Variants in ZDHHC15 observed in about 807,000 individuals in gnomAD.
ZDHHC15 encodes palmitoyltransferase ZDHHC15.
A neutral mutation model predicts 31.7 loss-of-function variants in ZDHHC15; 19 were observed. The ratio of observed to expected loss-of-function variants is 0.60; its 90% CI spans 0.42 to 0.88. The LOEUF (loss-of-function observed/expected upper bound fraction) is 0.88. Among genes scored for constraint, ZDHHC15 ranks in the 40% least tolerant of loss-of-function variants. The pLI is 0.00. For missense variants in ZDHHC15, 209 were observed against 251.2 expected (o/e 0.83, Z 1.14); for synonymous variants, 103 against 90.0 (o/e 1.14, Z -0.82).
chrX:75,514,668 A>C (rs1175549599), intron 1 of ZDHHC15, among the ~76,000 whole-genome samples: 2 of 111,353 alleles, frequency 1.8e-5, no homozygotes, highest in Admixed American at 1.9e-4. Flanking sequence ...TGCACCTGGA[A>C]AATCGGGACA....
intron 1 of ZDHHC15, among the ~76,000 whole-genome samples, chrX:75,515,973 TC>T (rs1458080699): frequency 3.1e-4 from 35 of 111,211 alleles, no homozygotes; most frequent in African/African-American, 1.1e-3. Context: ...ATGAGTGAAC[TC>T]CCATTCACAA....
chrX:75,379,121 T>C lies in ZDHHC15; in HGVS notation c.*31A>G, dbSNP rs747801640. On this transcript the variant is annotated splice_region_variant and 3_prime_UTR_variant, in exon 11 of 12. Transcript: ENST00000373367. ...ATGTGTCTCCCTCAGAATACTGACC[T>C]GTCTGAGAGATGCAGGAAATGTGAA... The C allele has an allele frequency of 8.3e-7, 1 of 1,206,417 alleles. No homozygotes were observed. The highest frequency in any genetic ancestry group is 1.8e-5 in the South Asian group (1 of 56,807).
At chrX:75,453,426 A>G (rs2084158162) in intron 3 of ZDHHC15, among the ~76,000 whole-genome samples, 1 of 111,597 alleles carries the variant, frequency 9.0e-6, no homozygotes, top group African/African-American at 3.3e-5. Flanking sequence ...AAAGTCCAGG[A>G]CCAGATGGAT....
At chrX:75,422,426 T>C (rs890774159) in intron 8 of ZDHHC15, among the ~76,000 whole-genome samples, 2 of 111,732 alleles carry the variant, frequency 1.8e-5, no homozygotes, top group Admixed American at 1.9e-4. Flanking sequence ...GGTAATGACA[T>C]TGATTTGGTT....
chrX:75,479,063 C>A, intron 2 of ZDHHC15, 78 bp from the exon 3 acceptor site: 1 of 666,230 alleles, frequency 1.5e-6, no homozygotes, highest in Admixed American at 4.3e-5. Flanking sequence ...AGCTCCATGA[C>A]GAATTTTTAT....
intron 11 of ZDHHC15, among the ~76,000 whole-genome samples, chrX:75,374,829 G>GTACAGA (rs1039858731): frequency 3.6e-5 from 4 of 110,515 alleles, no homozygotes; most frequent in African/African-American, 1.3e-4. Flanking sequence ...AAATACATTT[G>GTACAGA]TACAGATCTA....
intron 3 of ZDHHC15, among the ~76,000 whole-genome samples, chrX:75,474,034 T>G (rs777511214): frequency 9.0e-6 from 1 of 111,243 alleles, no homozygotes; most frequent in East Asian, 2.8e-4. Flanking sequence ...TGGTTTCAAC[T>G]TGACAAGGGT....
rs1218129970 is a variant in ZDHHC15, at chrX:75,370,771, G to C, written c.*2207C>G. 9.0e-6 allele frequency: 1 copy of C among 111,218 alleles called. No homozygotes were observed. The highest frequency in any genetic ancestry group is 1.9e-5 in the Non-Finnish European group (1 of 53,034). The allele number at this position is 111,218 out of a possible 1,213,427, so 9.2% of individuals were successfully genotyped here. On this transcript the variant is annotated 3_prime_UTR_variant, in exon 12 of 12. Transcript: ENST00000373367. ...GGTCTTGAACTCCCGACCTCAGGTGGTCCGGCCGCCTTGGGCTCCCAAAAT... is the reference window on the plus strand; with the variant it reads ...GGTCTTGAACTCCCGACCTCAGGTGCTCCGGCCGCCTTGGGCTCCCAAAAT...
At chrX:75,410,201 T>C (rs147617904) in intron 10 of ZDHHC15, among the ~76,000 whole-genome samples, 35 of 110,510 alleles carry the variant, frequency 3.2e-4, no homozygotes, top group Admixed American at 1.4e-3. Flanking sequence ...AAAGCAAAAA[T>C]AGACAATTGG....
chrX:75,505,815 T>A lies in ZDHHC15; in HGVS notation c.163+6A>T, dbSNP rs1199610166. 1.7e-6 allele frequency: 2 copies of A among 1,206,654 alleles called. No homozygotes were observed. The highest frequency in any genetic ancestry group is 3.5e-5 in the South Asian group (2 of 56,591). On this transcript the variant is annotated splice_donor_region_variant and intron_variant, in intron 2 of 11. Coordinates refer to ENST00000373367, the MANE Select transcript of ZDHHC15 (RefSeq NM_144969.3). ...CTGATCAATACAATTTCCAACATCA[T>A]CTTACCTTTTTCTGCTGGGCTCAAA...
chrX:75,371,228 C>A lies in ZDHHC15; in HGVS notation c.*1750G>T, dbSNP rs1450999626. ...TGGCCAAATAAGGTTTCAGGAAAAA[C>A]CGAAATGAGAGTATTTTGAGAAAGA... On this transcript the variant is annotated 3_prime_UTR_variant, in exon 12 of 12. Coordinates refer to ENST00000373367, the MANE Select transcript of ZDHHC15 (RefSeq NM_144969.3). 9.0e-6 allele frequency: 1 copy of A among 111,517 alleles called. No individual in the cohort carries two copies. Among genetic ancestry groups the A allele is most frequent in the Admixed American group, 9.5e-5 (1 of 10,509 alleles). 9.2% of individuals were successfully genotyped at this position (111,517 alleles called of 1,213,427 possible).
intron 11 of ZDHHC15, 146 bp from the exon 12 acceptor site, chrX:75,373,091 G>A (rs1163902806): frequency 9.0e-6 from 1 of 111,193 alleles, no homozygotes; most frequent in African/African-American, 3.3e-5. Context: ...AGTGAAAAAG[G>A]CAGGATATAA....
chrX:75,484,805 G>T (rs903805292), intron 2 of ZDHHC15, among the ~76,000 whole-genome samples: 13 of 111,711 alleles, frequency 1.2e-4, no homozygotes, highest in African/African-American at 3.9e-4. Context: ...GTTTCAAACT[G>T]GAAACAAACC....
At chrX:75,448,660 G>A (rs772400772) in intron 4 of ZDHHC15, among the ~76,000 whole-genome samples, 1 of 111,626 alleles carries the variant, frequency 9.0e-6, no homozygotes, top group African/African-American at 3.3e-5. Context: ...TCAGTTGAAT[G>A]CATGATATTT....
chrX:75,481,227 C>T (rs868854842), intron 2 of ZDHHC15, among the ~76,000 whole-genome samples: 1 of 111,223 alleles, frequency 9.0e-6, no homozygotes, highest in African/African-American at 3.3e-5. Flanking sequence ...AGTGTGAAAT[C>T]TTTGATTTTT....
intron 2 of ZDHHC15, among the ~76,000 whole-genome samples, chrX:75,498,642 C>G (rs759914164): frequency 8.9e-6 from 1 of 111,814 alleles, no homozygotes; most frequent in Non-Finnish European, 1.9e-5. Flanking sequence ...ATAGATGACA[C>G]AAACAAGTAG....
chrX:75,514,187 T>G (rs1157841942), intron 1 of ZDHHC15, among the ~76,000 whole-genome samples: 1 of 112,748 alleles, frequency 8.9e-6, no homozygotes, highest in Non-Finnish European at 1.9e-5. Flanking sequence ...ATAAGAACAC[T>G]GGTAAACTAT....
chrX:75,481,459 C>T (rs746507424), intron 2 of ZDHHC15, among the ~76,000 whole-genome samples: 14 of 111,616 alleles, frequency 1.3e-4, no homozygotes, highest in Non-Finnish European at 3.8e-5. Flanking sequence ...GGTTCAATCA[C>T]GGAATTGGAA....
rs1251421459 is a variant in ZDHHC15, at chrX:75,479,224, G to A, written c.164-239C>T. On this transcript the variant is annotated intron_variant, in intron 2 of 11. Coordinates refer to ENST00000373367, the MANE Select transcript of ZDHHC15 (RefSeq NM_144969.3). Reference sequence around the variant, plus strand: ...TAAAAGTTGCCATGTCATTCTTGAAGGGGGAAATGTCCTTTATGACAATGT... The same window carrying A: ...TAAAAGTTGCCATGTCATTCTTGAAAGGGGAAATGTCCTTTATGACAATGT... Among the ~76,000 whole-genome samples the A allele has an allele frequency of 1.7e-4, 19 of 111,954 alleles. No homozygotes were observed. The Admixed American group carries it at 1.7e-3, about 10-fold the overall frequency.
Sources: gnomAD v4.1 joint callset for allele counts (sites outside exome capture counted in the v4.1 genomes callset) on GRCh38, gnomAD v4.1.1 for gene constraint, MANE v1.5 for transcripts, NCBI Gene and HGNC (gene_info 2026-07-23, HGNC 2026-07-21) for gene names.